BRAT1: variants seen among roughly 807,000 people sequenced by gnomAD.
The protein encoded by BRAT1 is integrator complex assembly factor BRAT1.
BRAT1 carries 74 observed loss-of-function variants against 70.6 expected under a neutral mutation model. The observed-to-expected ratio is 1.05, with a 90% CI of 0.87 to 1.27. The LOEUF is 1.27. Ranked by LOEUF, BRAT1 falls within the 50% of genes most tolerant of loss-of-function variation. The pLI, the probability that BRAT1 is intolerant of heterozygous loss-of-function variation, is 0.00. For missense variants in BRAT1, 1,203 were observed against 1,098.2 expected (o/e 1.10, Z -1.35); for synonymous variants, 615 against 517.1 (o/e 1.19, Z -2.57).
chr7:2,546,790 G>A (rs1455750194), intron 3 of BRAT1, among the ~76,000 whole-genome samples: 1 of 151,970 alleles, frequency 6.6e-6, no homozygotes, highest in East Asian at 1.9e-4. Context: ...TTAAAAAAAA[G>A]ACATTCTCAT....
In BRAT1 at chr7:2,538,112, G is replaced by T; in HGVS notation, c.2423C>A (p.Ala808Asp). 6.3e-7 allele frequency: 1 copy of T among 1,593,420 alleles called. No homozygotes were observed. The change falls in exon 14 of 14, where the codon GCC becomes GAC. Residue 808 changes from alanine to aspartate, a missense_variant. Transcript: ENST00000340611. ...SPQSLLQDML[A>D]TGGFLQGDEA... Reference sequence around the variant, plus strand: ...GTCCCCCTGCAGGAAGCCTCCCGTGGCCAGCATGTCCTGCAGGAGGGACTG... The same window carrying T: ...GTCCCCCTGCAGGAAGCCTCCCGTGTCCAGCATGTCCTGCAGGAGGGACTG...
At chr7:2,544,200 GTTTTTTT>G (rs1172630697) in intron 4 of BRAT1, 9 of 108,672 alleles carry the variant, frequency 8.3e-5, no homozygotes, top group East Asian at 4.0e-4. Context: ...CCTTCTTGTT[GTTTTTTT>G]TTTTTTTTTT....
intron 13 of BRAT1, 81 bp downstream of exon 13, chr7:2,539,098 G>A: frequency 6.6e-7 from 1 of 1,512,880 alleles, no homozygotes; most frequent in South Asian, 1.3e-5. Context: ...CTGCATGCTG[G>A]CCGCTCGACC....
At chr7:2,549,668 G>A (rs1321113815) in intron 2 of BRAT1, among the ~76,000 whole-genome samples, 1 of 152,120 alleles carries the variant, frequency 6.6e-6, no homozygotes, top group Non-Finnish European at 1.5e-5. Flanking sequence ...AAACTTATCT[G>A]TTAAAAGAAA....
intron 4 of BRAT1, 94 bp from the exon 5 acceptor site, chr7:2,544,056 G>T: frequency 9.9e-7 from 1 of 1,009,806 alleles, no homozygotes; most frequent in South Asian, 2.0e-5. Context: ...AAATAGCAGA[G>T]GGCCCCCCAA....
chr7:2,543,360 A>C lies in BRAT1; in HGVS notation c.804-37T>G. On this transcript the variant is annotated intron_variant, in intron 5 of 13. Coordinates refer to ENST00000340611, the MANE Select transcript of BRAT1 (RefSeq NM_152743.4). The surrounding 1 kb of genome is among the most constrained non-coding windows in gnomAD (Gnocchi z 5.5). ...CCCCAGAGAGAAAAATTACTCCCCC[A>C]CCCTCAAAACCCCATTCGAGGCCTG... The C allele has an allele frequency of 6.5e-7, 1 of 1,535,148 alleles. No individual in the cohort carries two copies. Among genetic ancestry groups the C allele is most frequent in the Non-Finnish European group, 8.8e-7 (1 of 1,139,404 alleles).
At chr7:2,553,219 C>T (rs747764277) in intron 2 of BRAT1, among the ~76,000 whole-genome samples, 3 of 152,156 alleles carry the variant, frequency 2.0e-5, no homozygotes, top group African/African-American at 4.8e-5. Context: ...TTAGTAGAGA[C>T]GAGGTCTCAC....
chr7:2,542,202 T>C lies in BRAT1; in HGVS notation c.933A>G (p.Ala311=). 2 of 1,561,776 alleles carry C rather than the reference T, an allele frequency of 1.3e-6. No homozygotes were observed. The highest frequency in any genetic ancestry group is 1.7e-4 in the Middle Eastern group (1 of 6,000). The change falls in exon 7 of 14, where the codon GCA becomes GCG. Residue 311 remains alanine (A), a synonymous_variant. Transcript: ENST00000340611. Reference sequence around the variant, plus strand: ...GGACCTGGAAGGCCTGGGTCCTCAGTGCCTGTGGACTGGAGACAAACGCGA... The same window carrying C: ...GGACCTGGAAGGCCTGGGTCCTCAGCGCCTGTGGACTGGAGACAAACGCGA... ...GILKLEHCPQ[A]LRTQAFQVLL...
Position 2,539,174 on chromosome 7 carries a change from C to T in BRAT1, c.1770+5G>A, listed in dbSNP as rs781603468. ...TTGCTGGCTGAGGAACCTGCCACCT[C>T]CTACCTGCCGGGCCTCTGCATGCTC... On this transcript the variant is annotated splice_donor_5th_base_variant and intron_variant, in intron 13 of 13. Transcript: ENST00000340611. The T allele has an allele frequency of 6.3e-7, 1 of 1,591,256 alleles. No homozygotes were observed. Among genetic ancestry groups the T allele is most frequent in the South Asian group, 1.1e-5 (1 of 90,254 alleles).
rs758085579 is a variant in BRAT1 at position 2,539,662 on chromosome 7, G to A, written c.1499-20C>T. On this transcript the variant is annotated intron_variant, in intron 11 of 13. Coordinates refer to ENST00000340611, the MANE Select transcript of BRAT1 (RefSeq NM_152743.4). Reference sequence around the variant, plus strand: ...ACAGCTCTAGGGTGGGAAGGGACAGGTCAGGGTGACCTTGGGGCCAGGCTC... The same window carrying A: ...ACAGCTCTAGGGTGGGAAGGGACAGATCAGGGTGACCTTGGGGCCAGGCTC... 1.9e-6 allele frequency: 3 copies of A among 1,577,068 alleles called. No homozygotes were observed. Among genetic ancestry groups the A allele is most frequent in the African/African-American group, 1.3e-5 (1 of 74,098 alleles).
chr7:2,540,045 G>A lies in BRAT1; in HGVS notation c.1396-157C>T, dbSNP rs1015266624. The stretch of plus-strand genomic sequence containing the variant: ...GAACGCTGGGCTTCCTTCTTTTTTA[G>A]AGACAGGGTCTCAATGTGTCATCCA... On this transcript the variant is annotated intron_variant, in intron 10 of 13. Coordinates refer to ENST00000340611, the MANE Select transcript of BRAT1 (RefSeq NM_152743.4). The A allele has an allele frequency of 8.6e-6, 5 of 580,468 alleles. No homozygotes were observed. In the Admixed American group the frequency reaches 1.0e-4, roughly 12 times the overall value. The allele number at this position is 580,468 out of a possible 1,614,324, so 36.0% of individuals were successfully genotyped here.
chr7:2,552,078 TTAAATATATATATA>T (rs1780046093), intron 2 of BRAT1, among the ~76,000 whole-genome samples: 1 of 38,168 alleles, frequency 2.6e-5, no homozygotes, highest in African/African-American at 8.8e-5. Context: ...ATGCATAGTC[TTAAATATATATATA>T]TATATATATA....
At position 2,543,283 on chromosome 7, in the gene BRAT1, TCTCC is replaced by T; in HGVS notation, c.840_843del (p.Trp280Ter). The T allele has an allele frequency of 6.2e-7, 1 of 1,609,730 alleles. No homozygotes were observed. Among genetic ancestry groups the T allele is most frequent in the Non-Finnish European group, 8.5e-7 (1 of 1,178,222 alleles). Reference sequence around the variant, plus strand: ...AGGCAGCTCAGAGCCCGCGCCACTGTCTCCCACAGGCTGCCGTCGGAAGAACTGA... The same window carrying T: ...AGGCAGCTCAGAGCCCGCGCCACTGTCACAGGCTGCCGTCGGAAGAACTGA... On this transcript the variant is annotated frameshift_variant, in exon 6 of 14. Transcript: ENST00000340611. LOFTEE classifies it high-confidence loss of function. This position sits in a 1 kb window ranked among gnomAD's most constrained non-coding sequence, Gnocchi z 5.5.
intron 1 of BRAT1, 56 bp downstream of exon 1, chr7:2,555,431 G>A (rs1583349667): frequency 1.3e-5 from 2 of 151,740 alleles, no homozygotes; most frequent in African/African-American, 4.8e-5. Flanking sequence ...GCCGGGTCTT[G>A]GCCTCCCCGC....
rs761081587 is a variant in BRAT1, at chr7:2,541,340, G to A, written c.1279C>T (p.Arg427Ter). 1 of 1,604,194 alleles carries A rather than the reference G, an allele frequency of 6.2e-7. No individual in the cohort carries two copies. The highest frequency in any genetic ancestry group is 8.5e-7 in the Non-Finnish European group (1 of 1,178,966). ...GTLAGCVRVQ[R>*]AALDFLGTLS... ...GTCCCCAGGAAGTCGAGGGCTGCTCGCTGGACCCGGACGCAGCCCGCCAGG... is the reference window on the plus strand; with the variant it reads ...GTCCCCAGGAAGTCGAGGGCTGCTCACTGGACCCGGACGCAGCCCGCCAGG... The change falls in exon 9 of 14, where the codon CGA (arginine) becomes TGA (stop). Residue 427 changes from arginine to a stop codon, truncating the protein, a stop_gained. Transcript: ENST00000340611. LOFTEE classifies it high-confidence loss of function.
rs759858132 is a variant in BRAT1 at position 2,539,591 on chromosome 7, C to T, written c.1550G>A (p.Arg517Lys). 1.3e-6 allele frequency: 2 copies of T among 1,589,792 alleles called. No individual in the cohort carries two copies. The highest frequency in any genetic ancestry group is 4.6e-5 in the East Asian group (2 of 43,426). The change falls in exon 12 of 14, where the codon AGG (arginine) becomes AAG (lysine). Residue 517 changes from arginine to lysine, a missense_variant. By Grantham distance (26) the Arg-to-Lys change is conservative (BLOSUM62 2). Coordinates refer to ENST00000340611, the MANE Select transcript of BRAT1 (RefSeq NM_152743.4). Reference sequence around the variant, plus strand: ...GGTCAGGAACTCGAGGGCGGAGTCCCTCACCTCCCAGCAGGGGTGGCACAG... The same window carrying T: ...GGTCAGGAACTCGAGGGCGGAGTCCTTCACCTCCCAGCAGGGGTGGCACAG... ...KRLCHPCWEV[R>K]DSALEFLTQL... is the part of the protein sequence containing the mutation.
intron 10 of BRAT1, chr7:2,540,207 C>G (rs576082018): frequency 3.2e-6 from 1 of 311,272 alleles, no homozygotes. Context: ...AAATGCTCTA[C>G]CCCTGAGCTA....
In BRAT1 at chr7:2,544,926, C is replaced by T. The variant is rs561671206; in HGVS notation, c.413G>A (p.Arg138His). Residue 138 changes from arginine to histidine, a missense_variant, in exon 4 of 14, where the codon CGC becomes CAC. Coordinates refer to ENST00000340611, the MANE Select transcript of BRAT1 (RefSeq NM_152743.4). ...GCACTCACCATGGTCGGCCAGGAAG[C>T]GCAGGGCGCTGGGGTGCTGTGCCAG... ...RSLAQHPSAL[R>H]FLADHGAVDT... The T allele has an allele frequency of 1.2e-4, 189 of 1,551,670 alleles. 2 individuals are homozygous for T. The highest frequency in any genetic ancestry group is 4.4e-4 in the East Asian group (18 of 41,296).
At chr7:2,544,823 AGACAC>A (rs1562582026) in intron 4 of BRAT1, 81 bp downstream of exon 4, 13 of 1,509,136 alleles carry the variant, frequency 8.6e-6, no homozygotes, top group East Asian at 7.5e-5. Flanking sequence ...CGCACAGACC[AGACAC>A]TCAGATTCAG....
Sources: allele counts gnomAD v4.1 joint callset (sites outside exome capture counted in the v4.1 genomes callset), GRCh38; gene constraint gnomAD v4.1.1; non-coding constraint Gnocchi (gnomAD v3.1); transcripts MANE v1.5; gene names NCBI Gene and HGNC (gene_info 2026-07-23, HGNC 2026-07-21).